TK2: variants seen among roughly 807,000 people sequenced by gnomAD.
TK2 encodes the protein thymidine kinase 2, mitochondrial.
TK2 carries 35 observed loss-of-function variants against 41.9 expected under a neutral mutation model. The observed-to-expected ratio is 0.84, with a 90% CI of 0.64 to 1.11. The LOEUF (loss-of-function observed/expected upper bound fraction) is 1.11. Ranked by LOEUF, TK2 falls within the 50% of genes least tolerant of loss-of-function variation. The pLI is 0.00. For missense variants in TK2, 320 were observed against 351.1 expected (o/e 0.91, Z 0.71); for synonymous variants, 128 against 129.1 (o/e 0.99, Z 0.06).
In TK2 at chr16:66,517,947, G is replaced by C; in HGVS notation, c.450-70C>G. The C allele has an allele frequency of 7.6e-7, 1 of 1,317,254 alleles. No homozygotes were observed. 81.6% of individuals were successfully genotyped at this position (1,317,254 alleles called of 1,614,324 possible). On this transcript the variant is annotated intron_variant, in intron 6 of 9. Coordinates refer to ENST00000544898, the MANE Select transcript of TK2 (RefSeq NM_004614.5). This position sits in a 1 kb window ranked among gnomAD's most constrained non-coding sequence, Gnocchi z 4.3. Reference sequence around the variant, plus strand: ...CTGGGCTATGCAATTCCCCCAAAAGGATCTTGAGACGGCTCTCAATGAAAG... The same window carrying C: ...CTGGGCTATGCAATTCCCCCAAAAGCATCTTGAGACGGCTCTCAATGAAAG...
chr16:66,531,529 C>G, intron 4 of TK2, 60 bp from the exon 5 acceptor site: 2 of 1,534,634 alleles, frequency 1.3e-6, no homozygotes, highest in Non-Finnish European at 1.8e-6. Context: ...GGACCCTGGT[C>G]TCACAAGGCA....
chr16:66,519,516 A>G (rs994232749), intron 6 of TK2, among the ~76,000 whole-genome samples: 3 of 152,250 alleles, frequency 2.0e-5, no homozygotes, highest in African/African-American at 4.8e-5. Context: ...AAAGAAAGAA[A>G]AAAAGGCAAG....
At chr16:66,546,013 T>C (rs989195599) in intron 2 of TK2, among the ~76,000 whole-genome samples, 2 of 151,874 alleles carry the variant, frequency 1.3e-5, no homozygotes, top group African/African-American at 4.8e-5. Flanking sequence ...GTAATGGAAA[T>C]GTTATAAAAT....
rs917260693 is a variant in TK2, at chr16:66,511,178, G to C, written c.*790C>G. 6.5e-6 allele frequency: 1 copy of C among 152,832 alleles called. No homozygotes were observed. The highest frequency in any genetic ancestry group is 1.5e-5 in the Non-Finnish European group (1 of 68,600). 9.5% of individuals were successfully genotyped at this position (152,832 alleles called of 1,614,324 possible). ...CAAGCAGGACCTTAATCACCAAGGA[G>C]ACTGAGCACCCTTCAGGAGCCAGCA... is the stretch of plus-strand genomic sequence containing the variant. On this transcript the variant is annotated 3_prime_UTR_variant, in exon 10 of 10. Coordinates refer to ENST00000544898, the MANE Select transcript of TK2 (RefSeq NM_004614.5).
chr16:66,537,917 C>T (rs2144440216), intron 3 of TK2, among the ~76,000 whole-genome samples: 1 of 152,286 alleles, frequency 6.6e-6, no homozygotes, highest in African/African-American at 2.4e-5. Context: ...AATCCCAGCA[C>T]TTTGGGAGGC....
At position 66,534,853 on chromosome 16, in the gene TK2, T is replaced by A. The variant is rs140685220; in HGVS notation, c.285+2111A>T. Among the ~76,000 whole-genome samples, 20 of 152,372 alleles carry A rather than the reference T, an allele frequency of 1.3e-4. No individual in the cohort carries two copies. In the East Asian group the frequency reaches 3.9e-3, roughly 29 times the overall value. The stretch of plus-strand genomic sequence containing the variant: ...CATTTTTAAATTAATTTTATTTACT[T>A]TTATTTCTTTTAGAGATGGAGGTCT... On this transcript the variant is annotated intron_variant, in intron 4 of 9. Transcript: ENST00000544898.
At chr16:66,537,113 AAGAG>A in intron 3 of TK2, 96 bp from the exon 4 acceptor site, 1 of 1,542,374 alleles carries the variant, frequency 6.5e-7, no homozygotes, top group South Asian at 1.1e-5. Context: ...AGAAGGGAAA[AAGAG>A]AGAAAAAGAC....
intron 3 of TK2, among the ~76,000 whole-genome samples, chr16:66,538,416 T>G (rs1965354128): frequency 6.6e-6 from 1 of 152,068 alleles, no homozygotes; most frequent in African/African-American, 2.4e-5. Flanking sequence ...AGCCCCTAAG[T>G]AGCATACACA....
chr16:66,546,719 A>G (rs1965619453), intron 2 of TK2: 1 of 150,462 alleles, frequency 6.6e-6, no homozygotes, highest in African/African-American at 2.4e-5. Context: ...ATTATATAAG[A>G]CCTGTCACAA....
intron 1 of TK2, chr16:66,549,212 T>C (rs1965703783): frequency 6.9e-7 from 1 of 1,441,722 alleles, no homozygotes; most frequent in South Asian, 1.4e-5. Flanking sequence ...TGCAGCTTCG[T>C]GGACCCCCAG....
At chr16:66,539,235 A>G (rs929590612) in intron 3 of TK2, among the ~76,000 whole-genome samples, 9 of 152,050 alleles carry the variant, frequency 5.9e-5, no homozygotes, top group Non-Finnish European at 1.3e-4. Flanking sequence ...GATTCATGAG[A>G]ACTCACAGGA....
At position 66,549,950 on chromosome 16, in the gene TK2, C is replaced by A; in HGVS notation, c.112G>T (p.Ala38Ser). The A allele has an allele frequency of 1.5e-6, 2 of 1,366,380 alleles. No homozygotes were observed. Among genetic ancestry groups the A allele is most frequent in the Non-Finnish European group, 1.9e-6 (2 of 1,068,768 alleles). 84.6% of individuals were successfully genotyped at this position (1,366,380 alleles called of 1,614,324 possible). Residue 38 changes from alanine to serine, a missense_variant, in exon 1 of 10, where the codon GCC becomes TCC. Ala to Ser is a moderately conservative substitution (Grantham distance 99, BLOSUM62 1). Transcript: ENST00000544898. ...GPGPRRVQRR[A>S]WPPDKEQEKE... is the part of the protein sequence containing the mutation. ...AGACGCGCGTTACCGGGAGGCCAGGCCCGGCGCTGCACCCTCCGCGGCCCG... is the reference window on the plus strand; with the variant it reads ...AGACGCGCGTTACCGGGAGGCCAGGACCGGCGCTGCACCCTCCGCGGCCCG...
At position 66,509,931 on chromosome 16, in the gene TK2, G is replaced by A. The variant is rs1964401617; in HGVS notation, c.*2037C>T. The stretch of plus-strand genomic sequence containing the variant: ...GCTGGGAGATTTTGCGACCTGCCCT[G>A]GCCACTGCTGATGCGTCCAGCCTCC... On this transcript the variant is annotated 3_prime_UTR_variant, in exon 10 of 10. Transcript: ENST00000544898. The A allele has an allele frequency of 6.6e-6, 1 of 152,308 alleles. No individual in the cohort carries two copies. Among genetic ancestry groups the A allele is most frequent in the African/African-American group, 2.4e-5 (1 of 41,442 alleles). 9.4% of individuals were successfully genotyped at this position (152,308 alleles called of 1,614,324 possible). A position where few individuals can be genotyped will look rare whatever the true frequency, so the allele number is the denominator to read the frequency against.
At chr16:66,543,133 C>A (rs1459529052) in intron 2 of TK2, among the ~76,000 whole-genome samples, 2 of 152,244 alleles carry the variant, frequency 1.3e-5, no homozygotes, top group Non-Finnish European at 2.9e-5. Flanking sequence ...CTCAGCCTCC[C>A]AAAGTGCTGG....
rs777297594 is a variant in TK2 at position 66,531,407 on chromosome 16, G to T, written c.348C>A (p.Thr116=). 1 of 1,614,188 alleles carries T rather than the reference G, an allele frequency of 6.2e-7. No homozygotes were observed. The highest frequency in any genetic ancestry group is 1.3e-5 in the African/African-American group (1 of 75,034). The change falls in exon 5 of 10, where the codon ACC becomes ACA. Residue 116 remains threonine (T), a synonymous_variant. Transcript: ENST00000544898. ...GAGGACGAGTATGCCTGTCCAGCAT[G>T]GTGAGCTGCACATAAGTCTGTAGCG... ...GLTLQTYVQL[T]MLDRHTRPQV...
chr16:66,536,101 G>A (rs1390325219), intron 4 of TK2, among the ~76,000 whole-genome samples: 1 of 151,636 alleles, frequency 6.6e-6, no homozygotes, highest in Non-Finnish European at 1.5e-5. Context: ...CTAGTCAGGA[G>A]AGTGAGGCAG....
intron 6 of TK2, among the ~76,000 whole-genome samples, chr16:66,519,781 C>T (rs906293622): frequency 4.6e-5 from 7 of 152,170 alleles, no homozygotes; most frequent in Non-Finnish European, 1.0e-4. Context: ...GCAAGACTGG[C>T]CATGGGGGAG....
chr16:66,531,193 G>A (rs747707700), intron 5 of TK2, among the ~76,000 whole-genome samples, 187 bp downstream of exon 5: 19 of 152,218 alleles, frequency 1.2e-4, no homozygotes, highest in Non-Finnish European at 5.9e-5. Context: ...AGGTTTGCAG[G>A]TGGGGGCACT....
intron 6 of TK2, among the ~76,000 whole-genome samples, chr16:66,522,142 A>G (rs1357730179): frequency 1.3e-5 from 2 of 152,016 alleles, no homozygotes; most frequent in African/African-American, 4.8e-5. Context: ...TCTCCATTGC[A>G]CCACCCGCCC....
Sources: gnomAD v4.1 joint callset for allele counts (sites outside exome capture counted in the v4.1 genomes callset) on GRCh38, gnomAD v4.1.1 for gene constraint, Gnocchi (gnomAD v3.1) non-coding constraint, MANE v1.5 for transcripts, NCBI Gene and HGNC (gene_info 2026-07-23, HGNC 2026-07-21) for gene names.